SSR1: variants seen among roughly 807,000 people sequenced by gnomAD.
SSR1 encodes signal sequence receptor subunit 1.
SSR1 carries 13 observed loss-of-function variants against 36.1 expected under a neutral mutation model. The observed-to-expected ratio is 0.36, with a 90% CI of 0.23 to 0.57. The LOEUF (loss-of-function observed/expected upper bound fraction) is 0.57. SSR1 is among the 20% of genes least tolerant of loss of function. The probability of loss-of-function intolerance (pLI) is 0.81; values close to 1 mark genes in which losing one functional copy is unlikely to be tolerated. For missense variants in SSR1, 291 were observed against 338.5 expected (o/e 0.86, Z 1.10); for synonymous variants, 113 against 118.9 (o/e 0.95, Z 0.32).
chr6:7,291,330 G>A (rs186448140), intron 7 of SSR1, among the ~76,000 whole-genome samples: 68 of 151,476 alleles, frequency 4.5e-4, no homozygotes, highest in African/African-American at 1.6e-3. Flanking sequence ...CCGAGGGGCC[G>A]GAGGTTGCAG....
intron 1 of SSR1, among the ~76,000 whole-genome samples, chr6:7,310,869 C>G (rs1758177805): frequency 6.6e-6 from 1 of 152,142 alleles, no homozygotes; most frequent in Non-Finnish European, 1.5e-5. Flanking sequence ...CAAGATTGTA[C>G]CACTGCACTC....
chr6:7,295,650 C>T (rs542473449), intron 6 of SSR1, among the ~76,000 whole-genome samples, 165 bp from the exon 7 acceptor site: 1 of 152,184 alleles, frequency 6.6e-6, no homozygotes, highest in Non-Finnish European at 1.5e-5. Flanking sequence ...ACTATAGGCA[C>T]ATACTATCAT....
In SSR1 at chr6:7,284,695, C is replaced by G. The variant is rs557261323; in HGVS notation, c.*5169G>C. The G allele has an allele frequency of 6.6e-6, 1 of 151,546 alleles. No individual in the cohort carries two copies. The highest frequency in any genetic ancestry group is 1.5e-5 in the Non-Finnish European group (1 of 67,964). 9.4% of individuals were successfully genotyped at this position (151,546 alleles called of 1,614,324 possible). On this transcript the variant is annotated 3_prime_UTR_variant, in exon 8 of 8. Coordinates refer to ENST00000244763, the MANE Select transcript of SSR1 (RefSeq NM_003144.5). ...AGGGGATCTGGGGTTCAAACCCAGGCAGCCTGACATGAGCGTTTCCTTTTT... is the reference window on the plus strand; with the variant it reads ...AGGGGATCTGGGGTTCAAACCCAGGGAGCCTGACATGAGCGTTTCCTTTTT...
chr6:7,296,342 A>G (rs1322936965), intron 6 of SSR1, among the ~76,000 whole-genome samples: 2 of 152,232 alleles, frequency 1.3e-5, no homozygotes, highest in Non-Finnish European at 2.9e-5. Context: ...AAAAATGGAG[A>G]TGCAGTTATA....
chr6:7,312,480 C>A (rs931975494), intron 1 of SSR1, among the ~76,000 whole-genome samples: 1 of 152,150 alleles, frequency 6.6e-6, no homozygotes, highest in Non-Finnish European at 1.5e-5. Context: ...GTAACACATA[C>A]GGGTCAAGCA....
intron 1 of SSR1, among the ~76,000 whole-genome samples, chr6:7,311,667 A>G (rs1758197342): frequency 6.6e-6 from 1 of 152,228 alleles, no homozygotes; most frequent in Non-Finnish European, 1.5e-5. Context: ...AAGGCCTTTC[A>G]TAAATATTAA....
intron 1 of SSR1, 54 bp from the exon 2 acceptor site, chr6:7,310,083 C>CT (rs1447009415): frequency 7.5e-6 from 11 of 1,461,662 alleles, no homozygotes; most frequent in South Asian, 1.2e-5. Context: ...ATACTAATTT[C>CT]TTTTTTTAAC....
rs1407470576 is a variant in SSR1, at chr6:7,283,338, C to T, written c.*6526G>A. 1 of 152,270 alleles carries T rather than the reference C, an allele frequency of 6.6e-6. No individual in the cohort carries two copies. Among genetic ancestry groups the T allele is most frequent in the Non-Finnish European group, 1.5e-5 (1 of 68,098 alleles). The allele number at this position is 152,270 out of a possible 1,614,324, so 9.4% of individuals were successfully genotyped here. The stretch of plus-strand genomic sequence containing the variant: ...CTCAGCTCACCACAATCTCCACCTC[C>T]CAGGTTTAAGCAATTCTCCTGCCTC... On this transcript the variant is annotated 3_prime_UTR_variant, in exon 8 of 8. Coordinates refer to ENST00000244763, the MANE Select transcript of SSR1 (RefSeq NM_003144.5).
intron 6 of SSR1, chr6:7,297,120 T>C: frequency 3.0e-6 from 1 of 338,298 alleles, no homozygotes; most frequent in Non-Finnish European, 5.8e-6. Context: ...CTCAGGAAGC[T>C]GAGGTGGGAG....
rs915211246 is a variant in SSR1, at chr6:7,285,983, T to C, written c.*3881A>G. 2.0e-5 allele frequency: 3 copies of C among 152,194 alleles called. No homozygotes were observed. Among genetic ancestry groups the C allele is most frequent in the African/African-American group, 4.8e-5 (2 of 41,444 alleles). 9.4% of individuals were successfully genotyped at this position (152,194 alleles called of 1,614,324 possible). Reference sequence around the variant, plus strand: ...ACAGCAAGTATATATGGTATATTCATTACTGAGATGATTTGAACTTTCCAT... The same window carrying C: ...ACAGCAAGTATATATGGTATATTCACTACTGAGATGATTTGAACTTTCCAT... On this transcript the variant is annotated 3_prime_UTR_variant, in exon 8 of 8. Transcript: ENST00000244763. The surrounding 1 kb of genome is among the most constrained non-coding windows in gnomAD (Gnocchi z 4.1).
intron 2 of SSR1, 66 bp from the exon 3 acceptor site, chr6:7,303,703 A>T: frequency 7.4e-7 from 1 of 1,359,768 alleles, no homozygotes; most frequent in Non-Finnish European, 1.0e-6. Context: ...TTAAAAATAA[A>T]GATTTGGCCG....
At chr6:7,307,859 C>T (rs1397898820) in intron 2 of SSR1, among the ~76,000 whole-genome samples, 1 of 152,240 alleles carries the variant, frequency 6.6e-6, no homozygotes, top group Non-Finnish European at 1.5e-5. Context: ...ACAATAAGTA[C>T]ATTCTAGTGC....
Position 7,309,946 on chromosome 6 carries a change from C to T in SSR1, c.163G>A (p.Glu55Lys), listed in dbSNP as rs781698698. 8.7e-6 allele frequency: 14 copies of T among 1,613,806 alleles called. No individual in the cohort carries two copies. Among genetic ancestry groups the T allele is most frequent in the African/African-American group, 2.7e-5 (2 of 74,946 alleles). ...TCTGTGGGTTCATCTTCTTCTACCT[C>T]GGCTTCATCATCTTCATCCTCAATT... ...SIIEDEDDEAEVEEDEPTDLV... is the reference protein window; with the variant it reads ...SIIEDEDDEAKVEEDEPTDLV... The change falls in exon 2 of 8, where the codon GAG becomes AAG. Residue 55 changes from glutamate to lysine, a missense_variant. Coordinates refer to ENST00000244763, the MANE Select transcript of SSR1 (RefSeq NM_003144.5).
Position 7,302,988 on chromosome 6 carries a change from T to C in SSR1, c.280+562A>G, listed in dbSNP as rs549781175. 3.9e-4 allele frequency among the ~76,000 whole-genome samples: 59 copies of C among 150,546 alleles called. 1 individual carries two copies. In the East Asian group the frequency reaches 6.9e-3, roughly 18 times the overall value. On this transcript the variant is annotated intron_variant, in intron 3 of 7. Transcript: ENST00000244763. Reference sequence around the variant, plus strand: ...CCTGTCTATTAAAAATACAAAAAATTAGCCAGGCGTGGTGGCACGTGCCTG... The same window carrying C: ...CCTGTCTATTAAAAATACAAAAAATCAGCCAGGCGTGGTGGCACGTGCCTG...
In SSR1 at chr6:7,289,727, C is replaced by G. The variant is rs201797960; in HGVS notation, c.*137G>C. The stretch of plus-strand genomic sequence containing the variant: ...TGCATTTTCAGCAATATTATCGCCA[C>G]AGACTCTGATTGCTCAGTCCACACA... On this transcript the variant is annotated 3_prime_UTR_variant, in exon 8 of 8. Coordinates refer to ENST00000244763, the MANE Select transcript of SSR1 (RefSeq NM_003144.5). 1 of 620,450 alleles carries G rather than the reference C, an allele frequency of 1.6e-6. No homozygotes were observed. Among genetic ancestry groups the G allele is most frequent in the Non-Finnish European group, 2.5e-6 (1 of 397,428 alleles). 38.4% of individuals were successfully genotyped at this position (620,450 alleles called of 1,614,324 possible).
chr6:7,293,247 T>G (rs544526421), intron 7 of SSR1, among the ~76,000 whole-genome samples: 2 of 152,094 alleles, frequency 1.3e-5, no homozygotes, highest in East Asian at 1.9e-4. Flanking sequence ...TTTGGCTACA[T>G]GGGTAAGTTC....
rs1412354355 is a variant in SSR1 at position 7,312,945 on chromosome 6, C to T, written c.79+97G>A. 1.1e-4 allele frequency: 139 copies of T among 1,250,510 alleles called. 1 individual carries two copies. The highest frequency in any genetic ancestry group is 1.7e-5 in the Non-Finnish European group (15 of 883,272). The allele number at this position is 1,250,510 out of a possible 1,614,324, so 77.5% of individuals were successfully genotyped here. The stretch of plus-strand genomic sequence containing the variant: ...GAGAGGCCAGCGGGGTGGACGCGGA[C>T]CCCAGGACCCGGAGCGGCCACCGCC... On this transcript the variant is annotated intron_variant, in intron 1 of 7. Coordinates refer to ENST00000244763, the MANE Select transcript of SSR1 (RefSeq NM_003144.5).
At chr6:7,312,786 C>CAAGCCCAGG (rs1758235995) in intron 1 of SSR1, among the ~76,000 whole-genome samples, 1 of 152,228 alleles carries the variant, frequency 6.6e-6, no homozygotes, top group South Asian at 2.1e-4. Flanking sequence ...GCAAGCCCAG[C>CAAGCCCAGG]CCTCGGCCGG....
In SSR1 at chr6:7,310,819, G is replaced by A. The variant is rs546368599; in HGVS notation, c.80-790C>T. Among the ~76,000 whole-genome samples, 245 of 152,312 alleles carry A rather than the reference G, an allele frequency of 1.6e-3. 3 individuals are homozygous for A. The highest frequency in any genetic ancestry group is 5.6e-3 in the African/African-American group (234 of 41,572). The stretch of plus-strand genomic sequence containing the variant: ...CCAGCTACTCCAGAGGCTGAGGCAG[G>A]AGAATCGCTTGAACCCAGGAGGCAG... On this transcript the variant is annotated intron_variant, in intron 1 of 7. Coordinates refer to ENST00000244763, the MANE Select transcript of SSR1 (RefSeq NM_003144.5).
Sources: gnomAD v4.1 joint callset for allele counts (sites outside exome capture counted in the v4.1 genomes callset) on GRCh38, gnomAD v4.1.1 for gene constraint, Gnocchi (gnomAD v3.1) non-coding constraint, MANE v1.5 for transcripts, NCBI Gene and HGNC (gene_info 2026-07-23, HGNC 2026-07-21) for gene names.